The following ANO10 variants were observed in gnomAD, a reference collection of about 807,000 sequenced individuals.
ANO10 encodes the protein anoctamin 10.
In ANO10, 77 loss-of-function variants were observed where a neutral mutation model predicts 74.7. The observed-to-expected ratio is 1.03, with a 90% CI of 0.86 to 1.25. The LOEUF (loss-of-function observed/expected upper bound fraction) is 1.25, where lower values mean the gene tolerates loss of function less well. Ranked by LOEUF, ANO10 falls within the 50% of genes most tolerant of loss-of-function variation. The pLI, the probability that ANO10 is intolerant of heterozygous loss-of-function variation, is 0.00. For synonymous variants in ANO10, 279 were observed against 284.9 expected, an observed-to-expected ratio of 0.98 and a Z score of 0.21; for missense variants, 721 against 778.1, an observed-to-expected ratio of 0.93 and a Z score of 0.87.
At chr3:43,528,642 A>C (rs2078316326) in intron 11 of ANO10, among the ~76,000 whole-genome samples, 1 of 152,170 alleles carries the variant, frequency 6.6e-6, no homozygotes, top group Non-Finnish European at 1.5e-5. Flanking sequence ...CAAAAATAAA[A>C]GAAAAATATG....
intron 2 of ANO10, among the ~76,000 whole-genome samples, chr3:43,605,384 T>TA (rs1202556915): frequency 6.6e-6 from 1 of 152,182 alleles, no homozygotes; most frequent in East Asian, 1.9e-4. Flanking sequence ...ATACAATAGA[T>TA]ACTTGTCCAT....
chr3:43,653,927 GT>G (rs5848668), intron 1 of ANO10, among the ~76,000 whole-genome samples: 4,394 of 145,072 alleles, frequency 0.03, 114 homozygotes, highest in Admixed American at 0.082. Context: ...GTTTGCTGGG[GT>G]TTTTTTTTTT....
intron 11 of ANO10, among the ~76,000 whole-genome samples, chr3:43,486,533 A>G (rs2076497050): frequency 1.3e-5 from 2 of 149,534 alleles, no homozygotes; most frequent in African/African-American, 4.9e-5. Flanking sequence ...ATCCCTTGTA[A>G]GTTGGATTCC....
chr3:43,365,871 C>T lies in ANO10; in HGVS notation c.*1035G>A, dbSNP rs947540831. The T allele has an allele frequency of 1.3e-5, 2 of 152,046 alleles. No individual in the cohort carries two copies. Among genetic ancestry groups the T allele is most frequent in the South Asian group, 4.1e-4 (2 of 4,838 alleles). 9.4% of individuals were successfully genotyped at this position (152,046 alleles called of 1,614,324 possible). On this transcript the variant is annotated 3_prime_UTR_variant, in exon 13 of 13. Coordinates refer to ENST00000292246, the MANE Select transcript of ANO10 (RefSeq NM_018075.5). ...GTGGGCCAGGGCATCTGCTGCTGTC[C>T]GAGTGGAGGTGCCCACGGGTCTGTA...
chr3:43,544,957 T>A (rs1164647593), intron 11 of ANO10, among the ~76,000 whole-genome samples: 2 of 152,162 alleles, frequency 1.3e-5, no homozygotes, highest in Non-Finnish European at 2.9e-5. Context: ...ATTGTTACAT[T>A]TTCTAAGTCG....
chr3:43,676,454 T>A (rs2084122954), intron 1 of ANO10, among the ~76,000 whole-genome samples: 1 of 151,858 alleles, frequency 6.6e-6, no homozygotes. Flanking sequence ...TGAGACCCTG[T>A]CTCAAAAAAA....
intron 12 of ANO10, among the ~76,000 whole-genome samples, chr3:43,384,815 T>A (rs1194963192): frequency 6.6e-6 from 1 of 152,168 alleles, no homozygotes; most frequent in Non-Finnish European, 1.5e-5. Flanking sequence ...ACCATAAAGA[T>A]TCTAGAAGAT....
chr3:43,367,333 T>C (rs780858392), intron 12 of ANO10, among the ~76,000 whole-genome samples: 2 of 152,212 alleles, frequency 1.3e-5, no homozygotes, highest in African/African-American at 2.4e-5. Flanking sequence ...TTTGCCCCTG[T>C]GCTTTGAGCG....
chr3:43,413,233 G>A (rs1161545315), intron 12 of ANO10, among the ~76,000 whole-genome samples: 1 of 152,064 alleles, frequency 6.6e-6, no homozygotes, highest in Non-Finnish European at 1.5e-5. Context: ...TCTTCCCCAG[G>A]CTGCATTTAC....
chr3:43,375,396 C>T (rs1012849622), intron 12 of ANO10, among the ~76,000 whole-genome samples: 13 of 151,948 alleles, frequency 8.6e-5, no homozygotes, highest in East Asian at 1.9e-4. Flanking sequence ...GGCAGTGAGC[C>T]GAGAATGCAC....
intron 1 of ANO10, among the ~76,000 whole-genome samples, chr3:43,657,453 A>G (rs1425382921): frequency 1.3e-5 from 2 of 152,164 alleles, no homozygotes; most frequent in African/African-American, 4.8e-5. Flanking sequence ...TAGGCCCCTC[A>G]GTTCCATTTA....
Position 43,576,828 on chromosome 3 carries a change from C to T in ANO10, c.1026G>A (p.Trp342Ter), listed in dbSNP as rs1392337093. 1.2e-6 allele frequency: 2 copies of T among 1,614,092 alleles called. No individual in the cohort carries two copies. The highest frequency in any genetic ancestry group is 3.3e-5 in the Admixed American group (2 of 60,010). The change falls in exon 6 of 13, where the codon TGG (tryptophan) becomes TGA (stop). Residue 342 changes from tryptophan to a stop codon, truncating the protein, a stop_gained. Transcript: ENST00000292246. LOFTEE classifies it high-confidence loss of function. ...CGCTGTTCTCATGTAGACCCAAGGC[C>T]CAAACCTCCATGTCGAAGTAAATCA... The part of the protein sequence containing the change: ...VMMIYFDMEV[W>*]ALGLHENSGS...
intron 12 of ANO10, chr3:43,372,860 C>A (rs2091666783): frequency 6.5e-7 from 1 of 1,534,802 alleles, no homozygotes; most frequent in Non-Finnish European, 8.7e-7. Context: ...GCAGTAGCAG[C>A]CAGAGAAATT....
intron 1 of ANO10, among the ~76,000 whole-genome samples, chr3:43,617,858 G>A (rs777450843): frequency 1.3e-5 from 2 of 152,206 alleles, no homozygotes; most frequent in African/African-American, 2.4e-5. Flanking sequence ...CAGTTATGAA[G>A]CAGATTAGGA....
intron 11 of ANO10, among the ~76,000 whole-genome samples, chr3:43,523,388 A>G (rs1270284910): frequency 6.6e-6 from 1 of 152,204 alleles, no homozygotes; most frequent in Non-Finnish European, 1.5e-5. Flanking sequence ...AAAGGCTTTT[A>G]AGGAAGGAGT....
chr3:43,524,426 G>T (rs2078100815), intron 11 of ANO10, among the ~76,000 whole-genome samples: 1 of 152,064 alleles, frequency 6.6e-6, no homozygotes, highest in Admixed American at 6.6e-5. Flanking sequence ...ATTGCAGCAT[G>T]CCTGCAACAG....
intron 12 of ANO10, among the ~76,000 whole-genome samples, chr3:43,387,434 AGGGAGAGCACTGTCAGGT>A (rs561746224): frequency 1.1e-3 from 173 of 152,204 alleles, no homozygotes; most frequent in African/African-American, 4.1e-3. Flanking sequence ...GGAGGGCAGG[AGGGAGAGCACTGTCAGGT>A]GGAGGTGATG....
chr3:43,690,502 C>T (rs1240347919), intron 1 of ANO10: 1 of 155,976 alleles, frequency 6.4e-6, no homozygotes, highest in African/African-American at 2.4e-5. Flanking sequence ...CCTGGCCCCC[C>T]AACCCGCGGG....
chr3:43,475,763 A>G (rs1359411504), intron 11 of ANO10, among the ~76,000 whole-genome samples: 3 of 151,924 alleles, frequency 2.0e-5, no homozygotes. Context: ...CACACCTGGC[A>G]AAGTTTTTTT....
Sources: gnomAD v4.1 joint callset for allele counts (sites outside exome capture counted in the v4.1 genomes callset) on GRCh38, gnomAD v4.1.1 for gene constraint, MANE v1.5 for transcripts, NCBI Gene and HGNC (gene_info 2026-07-23, HGNC 2026-07-21) for gene names.